Variants in BMP5 observed in about 807,000 individuals in gnomAD.
The protein encoded by BMP5 is bone morphogenetic protein 5.
Under a neutral mutation model 46.6 loss-of-function variants are expected in BMP5, and 23 were observed. The observed-to-expected ratio is 0.49, with a 90% CI of 0.35 to 0.70. The LOEUF is 0.70. Among genes scored for constraint, BMP5 ranks in the 30% least tolerant of loss-of-function variants. BMP5 has a pLI of 0.00. For missense variants in BMP5, 545 were observed against 565.6 expected, an observed-to-expected ratio of 0.96 and a Z score of 0.37; for synonymous variants, 204 against 191.9, an observed-to-expected ratio of 1.06 and a Z score of -0.52.
At chr6:55,776,508 T>C (rs1775175610) in intron 3 of BMP5, among the ~76,000 whole-genome samples, 1 of 150,872 alleles carries the variant, frequency 6.6e-6, no homozygotes, top group African/African-American at 2.4e-5. Context: ...TAGCAATCTG[T>C]TCTTTAAATT....
chr6:55,809,026 A>G (rs1206560749), intron 2 of BMP5, among the ~76,000 whole-genome samples: 1 of 152,192 alleles, frequency 6.6e-6, no homozygotes, highest in African/African-American at 2.4e-5. Context: ...CTGACTTGCT[A>G]TACTCAGGCT....
At position 55,858,824 on chromosome 6, in the gene BMP5, G is replaced by A. The variant is rs181207785; in HGVS notation, c.490+15552C>T. 1.5e-3 allele frequency among the ~76,000 whole-genome samples: 226 copies of A among 152,282 alleles called. 1 individual carries two copies. The highest frequency in any genetic ancestry group is 5.0e-3 in the African/African-American group (206 of 41,566). On this transcript the variant is annotated intron_variant, in intron 1 of 6. Transcript: ENST00000370830. ...CAGCCATAAAAAAGAATGAGTTCAC[G>A]TCCTTTGCAGGGACATGGATGAAGC... is the stretch of plus-strand genomic sequence containing the variant.
At chr6:55,854,379 A>ATT (rs1777334194) in intron 1 of BMP5, among the ~76,000 whole-genome samples, 1 of 152,078 alleles carries the variant, frequency 6.6e-6, no homozygotes, top group African/African-American at 2.4e-5. Flanking sequence ...ATATTGATCA[A>ATT]TATTTTTTCA....
intron 2 of BMP5, among the ~76,000 whole-genome samples, chr6:55,800,123 T>C (rs756578398): frequency 1.7e-4 from 26 of 152,158 alleles, no homozygotes; most frequent in Non-Finnish European, 5.9e-5. Flanking sequence ...CATACACAAA[T>C]ATACAAAAAT....
intron 2 of BMP5, among the ~76,000 whole-genome samples, chr6:55,802,211 A>G (rs1775866247): frequency 6.6e-6 from 1 of 152,194 alleles, no homozygotes; most frequent in African/African-American, 2.4e-5. Context: ...CCAATGGTAC[A>G]ATGCTAACTC....
intron 3 of BMP5, among the ~76,000 whole-genome samples, chr6:55,789,263 A>G (rs1775519879): frequency 6.6e-6 from 1 of 152,010 alleles, no homozygotes; most frequent in Non-Finnish European, 1.5e-5. Flanking sequence ...GTATTGCCAA[A>G]CCGAAAATGT....
At chr6:55,817,421 T>G (rs901432621) in intron 2 of BMP5, among the ~76,000 whole-genome samples, 2 of 152,032 alleles carry the variant, frequency 1.3e-5, no homozygotes, top group Non-Finnish European at 2.9e-5. Flanking sequence ...TATGCAGCCA[T>G]AAAAAATGAT....
intron 2 of BMP5, among the ~76,000 whole-genome samples, chr6:55,797,784 T>A (rs1775753060): frequency 6.6e-6 from 1 of 151,854 alleles, no homozygotes; most frequent in African/African-American, 2.4e-5. Context: ...GCCCGGCTAA[T>A]TTTTTATATT....
At chr6:55,865,844 A>C (rs550614885) in intron 1 of BMP5, among the ~76,000 whole-genome samples, 1 of 152,176 alleles carries the variant, frequency 6.6e-6, no homozygotes, top group African/African-American at 2.4e-5. Flanking sequence ...AGCTCCACTT[A>C]GATGAGGAAA....
chr6:55,776,658 T>C (rs1306136841), intron 3 of BMP5, among the ~76,000 whole-genome samples: 1 of 151,744 alleles, frequency 6.6e-6, no homozygotes, highest in South Asian at 2.1e-4. Context: ...GAAATCATTT[T>C]TAATGTATGA....
intron 2 of BMP5, among the ~76,000 whole-genome samples, chr6:55,812,118 G>T (rs1776150794): frequency 6.6e-6 from 1 of 152,140 alleles, no homozygotes; most frequent in African/African-American, 2.4e-5. Flanking sequence ...AGATATATGA[G>T]GTGTGACTAT....
intron 2 of BMP5, among the ~76,000 whole-genome samples, chr6:55,800,788 T>G (rs1238255369): frequency 2.6e-5 from 4 of 152,192 alleles, no homozygotes; most frequent in Non-Finnish European, 5.9e-5. Flanking sequence ...ATAAGGAAAT[T>G]TAAAGAGAAA....
intron 1 of BMP5, among the ~76,000 whole-genome samples, chr6:55,832,834 G>A (rs1776697863): frequency 6.6e-6 from 1 of 152,078 alleles, no homozygotes; most frequent in Non-Finnish European, 1.5e-5. Flanking sequence ...TCATAGTACA[G>A]GTGCAGTGGT....
At chr6:55,853,527 A>C (rs1249238160) in intron 1 of BMP5, among the ~76,000 whole-genome samples, 4 of 152,150 alleles carry the variant, frequency 2.6e-5, no homozygotes, top group Non-Finnish European at 5.9e-5. Flanking sequence ...CAGTAATACA[A>C]CCAACTATTA....
intron 1 of BMP5, among the ~76,000 whole-genome samples, chr6:55,832,880 G>A (rs1039935489): frequency 2.0e-5 from 3 of 152,008 alleles, no homozygotes; most frequent in Non-Finnish European, 4.4e-5. Flanking sequence ...GGAGACTAAG[G>A]CAGGAGGATC....
intron 1 of BMP5, among the ~76,000 whole-genome samples, chr6:55,820,644 C>T (rs747143426): frequency 1.1e-4 from 16 of 152,172 alleles, no homozygotes; most frequent in Admixed American, 4.6e-4. Context: ...TCTCGAAATC[C>T]TGGGCTCAAG....
Position 55,805,419 on chromosome 6 carries a change from C to T in BMP5, c.684-10992G>A, listed in dbSNP as rs546559110. Reference sequence around the variant, plus strand: ...TCCCCTTGACCAGATTCATCCATGTCCCTGCAAAGGACATGATCTCATTCC... The same window carrying T: ...TCCCCTTGACCAGATTCATCCATGTTCCTGCAAAGGACATGATCTCATTCC... On this transcript the variant is annotated intron_variant, in intron 2 of 6. Transcript: ENST00000370830. Among the ~76,000 whole-genome samples the T allele has an allele frequency of 2.6e-5, 4 of 152,242 alleles. No homozygotes were observed. The South Asian group carries it at 8.3e-4, about 32-fold the overall frequency.
intron 1 of BMP5, among the ~76,000 whole-genome samples, chr6:55,843,217 C>T (rs1031503257): frequency 2.6e-5 from 4 of 152,110 alleles, no homozygotes; most frequent in Non-Finnish European, 4.4e-5. Flanking sequence ...TATTTATAAA[C>T]TTACTGATAA....
intron 2 of BMP5, among the ~76,000 whole-genome samples, chr6:55,815,048 G>A (rs940909393): frequency 2.6e-4 from 39 of 149,228 alleles, no homozygotes; most frequent in African/African-American, 5.0e-4. Context: ...CAGGAGTATC[G>A]CTTGAAACCT....
Sources: allele counts gnomAD v4.1 joint callset (sites outside exome capture counted in the v4.1 genomes callset), GRCh38; gene constraint gnomAD v4.1.1; transcripts MANE v1.5; gene names NCBI Gene and HGNC (gene_info 2026-07-23, HGNC 2026-07-21).